CFAP299: variants seen among roughly 807,000 people sequenced by gnomAD.
CFAP299 encodes the protein cilia- and flagella-associated protein 299.
A neutral mutation model predicts 27.0 loss-of-function variants in CFAP299; 21 were observed. That is an observed-to-expected ratio of 0.78 (90% CI 0.55 to 1.12). CFAP299 has a LOEUF of 1.12. CFAP299 is among the 50% of genes most tolerant of loss of function. CFAP299 has a pLI of 0.00. For synonymous variants in CFAP299, 104 were observed against 98.1 expected, an observed-to-expected ratio of 1.06 and a Z score of -0.36; for missense variants, 310 against 276.6, an observed-to-expected ratio of 1.12 and a Z score of -0.86.
At chr4:80,634,917 C>T (rs1050060711) in intron 3 of CFAP299, among the ~76,000 whole-genome samples, 2 of 151,964 alleles carry the variant, frequency 1.3e-5, no homozygotes, top group Non-Finnish European at 2.9e-5. Flanking sequence ...GTGGAATACC[C>T]TTTGTCTAAC....
At chr4:80,855,775 A>G (rs897249547) in intron 3 of CFAP299, among the ~76,000 whole-genome samples, 7 of 152,176 alleles carry the variant, frequency 4.6e-5, no homozygotes, top group African/African-American at 1.4e-4. Flanking sequence ...CACGGTGTAT[A>G]TGTGCCACAT....
At chr4:80,652,066 G>A (rs4693072) in intron 3 of CFAP299, among the ~76,000 whole-genome samples, 92,691 of 151,998 alleles carry the variant, frequency 0.61, 32,204 homozygotes, top group Non-Finnish European at 0.77. Flanking sequence ...GAAAAGTTAG[G>A]CTGTGATTGT....
At chr4:80,441,257 A>G (rs1728343156) in intron 2 of CFAP299, among the ~76,000 whole-genome samples, 1 of 152,180 alleles carries the variant, frequency 6.6e-6, no homozygotes, top group Non-Finnish European at 1.5e-5. Flanking sequence ...CAATTGTTAG[A>G]TTCTCCAAGG....
intron 2 of CFAP299, among the ~76,000 whole-genome samples, chr4:80,461,062 T>C (rs1729412971): frequency 6.6e-6 from 1 of 152,166 alleles, no homozygotes; most frequent in Admixed American, 6.6e-5. Flanking sequence ...GATTTTCTGA[T>C]GGGCAATTGG....
In CFAP299 at chr4:80,335,837, C is replaced by T. The variant is rs2109961520; in HGVS notation, c.69C>T (p.Phe23=). The T allele has an allele frequency of 7.4e-6, 12 of 1,613,802 alleles. No homozygotes were observed. The highest frequency in any genetic ancestry group is 1.0e-5 in the Non-Finnish European group (12 of 1,179,640). ...IVTQFNAYED[F]LDSQITTVDL... ...CTCAATTCAACGCCTATGAAGATTTCCTGGACTCGCAGATCACTACTGTGG... is the reference window on the plus strand; with the variant it reads ...CTCAATTCAACGCCTATGAAGATTTTCTGGACTCGCAGATCACTACTGTGG... Residue 23 remains phenylalanine (F), a synonymous_variant, in exon 1 of 6, where the codon TTC becomes TTT. Coordinates refer to ENST00000358105, the MANE Select transcript of CFAP299 (RefSeq NM_152770.3).
At chr4:80,399,037 A>G (rs1177097862) in intron 2 of CFAP299, among the ~76,000 whole-genome samples, 2 of 74,862 alleles carry the variant, frequency 2.7e-5, no homozygotes, top group Non-Finnish European at 3.6e-5. Context: ...GAAAGATATG[A>G]ACAGACACTT....
chr4:80,769,768 G>C (rs1726106412), intron 3 of CFAP299, among the ~76,000 whole-genome samples: 3 of 152,144 alleles, frequency 2.0e-5, no homozygotes, highest in Non-Finnish European at 2.9e-5. Context: ...CTCCTCAGGG[G>C]CCTCAACAAG....
intron 3 of CFAP299, among the ~76,000 whole-genome samples, chr4:80,817,625 T>C (rs1729486609): frequency 6.6e-6 from 1 of 152,048 alleles, no homozygotes. Context: ...TGAGAGCAGG[T>C]ACCATCATCA....
intron 4 of CFAP299, among the ~76,000 whole-genome samples, chr4:80,877,253 T>G (rs72661735): frequency 0.013 from 1,925 of 152,322 alleles, 24 homozygotes; most frequent in Middle Eastern, 0.044. Flanking sequence ...AATTTTCCAA[T>G]ACTTAACTCA....
intron 3 of CFAP299, among the ~76,000 whole-genome samples, chr4:80,821,257 ATCTTGATAAGAAAGCTTCAT>A (rs1205838678): frequency 2.0e-5 from 3 of 152,194 alleles, no homozygotes; most frequent in Admixed American, 1.3e-4. Flanking sequence ...TCACAGAACA[ATCTTGATAAGAAAGCTTCAT>A]TCTTGTTCTT....
chr4:80,534,602 T>C (rs1379177656), intron 2 of CFAP299, among the ~76,000 whole-genome samples: 2 of 152,068 alleles, frequency 1.3e-5, no homozygotes, highest in East Asian at 3.8e-4. Context: ...CAATTGGATA[T>C]AAAAATAAGA....
intron 3 of CFAP299, among the ~76,000 whole-genome samples, chr4:80,725,892 G>A (rs761210173): frequency 6.6e-6 from 1 of 152,196 alleles, no homozygotes; most frequent in Non-Finnish European, 1.5e-5. Flanking sequence ...AGGAGGGAAT[G>A]AAAGCCAGTT....
At chr4:80,640,405 A>T (rs919348866) in intron 3 of CFAP299, among the ~76,000 whole-genome samples, 7 of 152,172 alleles carry the variant, frequency 4.6e-5, no homozygotes, top group Non-Finnish European at 1.0e-4. Context: ...TTTCCTCTTA[A>T]TAAGCCACCT....
chr4:80,842,410 A>C (rs1303899388), intron 3 of CFAP299, among the ~76,000 whole-genome samples: 1 of 152,168 alleles, frequency 6.6e-6, no homozygotes, highest in African/African-American at 2.4e-5. Flanking sequence ...AATTCAGCAC[A>C]GTTGGCTTCT....
chr4:80,799,627 TATATAATATATAAA>T (rs1728180678), intron 3 of CFAP299, among the ~76,000 whole-genome samples: 4 of 44,164 alleles, frequency 9.1e-5, no homozygotes, highest in African/African-American at 9.9e-5. Context: ...TATTTATAAA[TATATAATATATAAA>T]ATATATATTT....
At chr4:80,836,641 C>G (rs1327516607) in intron 3 of CFAP299, among the ~76,000 whole-genome samples, 1 of 152,124 alleles carries the variant, frequency 6.6e-6, no homozygotes, top group Non-Finnish European at 1.5e-5. Context: ...AGTATAATCT[C>G]TCCATCTCAA....
chr4:80,779,167 C>A (rs1431380186), intron 3 of CFAP299, among the ~76,000 whole-genome samples: 1 of 152,014 alleles, frequency 6.6e-6, no homozygotes, highest in African/African-American at 2.4e-5. Flanking sequence ...AAACTATGGG[C>A]AAAGCTAAAG....
chr4:80,523,099 T>G (rs1022881678), intron 2 of CFAP299, among the ~76,000 whole-genome samples: 1 of 152,200 alleles, frequency 6.6e-6, no homozygotes, highest in Admixed American at 6.5e-5. Context: ...ATGAACATTT[T>G]AACAATATTA....
intron 2 of CFAP299, among the ~76,000 whole-genome samples, chr4:80,536,652 T>C (rs1006867231): frequency 6.6e-5 from 10 of 152,064 alleles, no homozygotes; most frequent in Non-Finnish European, 1.3e-4. Flanking sequence ...GCAAGAAAAC[T>C]GAATACCCAC....
Sources: gnomAD v4.1 joint callset for allele counts (sites outside exome capture counted in the v4.1 genomes callset) on GRCh38, gnomAD v4.1.1 for gene constraint, MANE v1.5 for transcripts, NCBI Gene and HGNC (gene_info 2026-07-23, HGNC 2026-07-21) for gene names.